The following ZNG1A variants were observed in gnomAD, a reference collection of about 807,000 sequenced individuals.
ZNG1A encodes the protein Zn regulated GTPase metalloprotein activator 1A.
the ZNG1A span, chr9:121,396 A>C: frequency 1.1e-6 from 1 of 911,684 alleles, no homozygotes; most frequent in Non-Finnish European, 1.8e-6. Context: ...GTAATAAATA[A>C]ATGCTTGAAA....
the ZNG1A span, among the ~76,000 whole-genome samples, chr9:140,217 G>A: frequency 6.6e-6 from 1 of 151,826 alleles, no homozygotes; most frequent in East Asian, 1.9e-4. Flanking sequence ...GCAGGGCACA[G>A]ACACACAAAA....
chr9:152,370 C>T, the ZNG1A span, among the ~76,000 whole-genome samples: 5 of 152,186 alleles, frequency 3.3e-5, no homozygotes, highest in South Asian at 8.3e-4. Flanking sequence ...AGACACTTCA[C>T]TTTAGAAAAA....
the ZNG1A span, chr9:175,673 A>T: frequency 1.3e-6 from 2 of 1,539,896 alleles, no homozygotes; most frequent in Non-Finnish European, 1.8e-6. Flanking sequence ...ATCTTGCAAC[A>T]TGACATTTAT....
At chr9:140,521 A>T in the ZNG1A span, among the ~76,000 whole-genome samples, 1 of 151,824 alleles carries the variant, frequency 6.6e-6, no homozygotes, top group Non-Finnish European at 1.5e-5. Flanking sequence ...GTACATCACC[A>T]TCATCAAAGA....
chr9:167,597 A>G, the ZNG1A span: 1 of 150,072 alleles, frequency 6.7e-6, no homozygotes, highest in African/African-American at 2.5e-5. Context: ...ATGGAGAAGC[A>G]ACAGTACTGG....
chr9:170,049 A>C, the ZNG1A span, among the ~76,000 whole-genome samples: 1 of 143,358 alleles, frequency 7.0e-6, no homozygotes, highest in African/African-American at 2.8e-5. Context: ...AATGGGAAAC[A>C]AAAAAATGTG....
chr9:142,155 T>C, the ZNG1A span, among the ~76,000 whole-genome samples: 1 of 148,728 alleles, frequency 6.7e-6, no homozygotes, highest in African/African-American at 2.5e-5. Context: ...CCAACAAGCA[T>C]ACCCAGGAAT....
the ZNG1A span, among the ~76,000 whole-genome samples, chr9:142,942 A>G: frequency 7.5e-6 from 1 of 134,146 alleles, no homozygotes; most frequent in Non-Finnish European, 1.6e-5. Context: ...TAGAAAATCT[A>G]GAAGAAATGG....
At chr9:130,117 G>A in the ZNG1A span, among the ~76,000 whole-genome samples, 4 of 151,044 alleles carry the variant, frequency 2.6e-5, no homozygotes, top group Non-Finnish European at 4.4e-5. Flanking sequence ...GCTGTTATGC[G>A]GTGCATGACT....
the ZNG1A span, among the ~76,000 whole-genome samples, chr9:126,672 C>T: frequency 1.9e-4 from 29 of 151,980 alleles, no homozygotes; most frequent in African/African-American, 6.8e-4. Context: ...TTTCATTTAT[C>T]TTTTGGATTT....
chr9:146,324 T>G, the ZNG1A span: 4 of 622,064 alleles, frequency 6.4e-6, no homozygotes, highest in South Asian at 7.5e-5. Context: ...AAATTATTTG[T>G]TTATTACTTC....
At chr9:139,840 C>A in the ZNG1A span, among the ~76,000 whole-genome samples, 1 of 150,818 alleles carries the variant, frequency 6.6e-6, no homozygotes, top group Non-Finnish European at 1.5e-5. Flanking sequence ...CGAGGCATTG[C>A]CTCACTTGGG....
At chr9:121,903 A>G in the ZNG1A span, 2 of 1,610,930 alleles carry the variant, frequency 1.2e-6, no homozygotes, top group African/African-American at 2.7e-5. Flanking sequence ...GGCACATGAT[A>G]TCCCTTTCAA....
chr9:126,969 C>A, the ZNG1A span, among the ~76,000 whole-genome samples: 10 of 152,090 alleles, frequency 6.6e-5, no homozygotes, highest in African/African-American at 2.2e-4. Flanking sequence ...GCAGGTTATT[C>A]CATGTATCGG....
the ZNG1A span, chr9:172,039 T>C: frequency 3.0e-5 from 49 of 1,608,468 alleles, no homozygotes; most frequent in Non-Finnish European, 6.8e-6. Flanking sequence ...TTACAATATA[T>C]CACAGAACTA....
the ZNG1A span, chr9:121,376 C>T: frequency 8.3e-5 from 68 of 815,652 alleles, no homozygotes; most frequent in African/African-American, 3.4e-4. Flanking sequence ...TATTGGAATT[C>T]GTAACTAAAG....
the ZNG1A span, chr9:121,563 T>C: frequency 6.2e-7 from 1 of 1,608,042 alleles, no homozygotes; most frequent in Admixed American, 1.7e-5. Context: ...TATCCTTATC[T>C]AAATTTCTGC....
the ZNG1A span, among the ~76,000 whole-genome samples, chr9:169,393 G>C: frequency 6.8e-6 from 1 of 146,412 alleles, no homozygotes; most frequent in Non-Finnish European, 1.5e-5. Flanking sequence ...AAAAGAACGT[G>C]GTTTCTTGAG....
At chr9:169,853 G>GATT in the ZNG1A span, among the ~76,000 whole-genome samples, 1 of 96,754 alleles carries the variant, frequency 1.0e-5, no homozygotes, top group African/African-American at 3.7e-5. Context: ...TATAAACACA[G>GATT]CTTTTTTTTT....
Sources: gnomAD v4.1 joint callset for allele counts (sites outside exome capture counted in the v4.1 genomes callset) on GRCh38, gnomAD v4.1.1 for gene constraint, MANE v1.5 for transcripts, NCBI Gene and HGNC (gene_info 2026-07-23, HGNC 2026-07-21) for gene names.